VIT: variants seen among roughly 807,000 people sequenced by gnomAD.
VIT encodes vitrin.
VIT carries 99 observed loss-of-function variants against 78.0 expected under a neutral mutation model. The ratio of observed to expected loss-of-function variants is 1.27; its 90% CI spans 1.08 to 1.50. VIT has a LOEUF of 1.50. VIT is among the 40% of genes most tolerant of loss of function. VIT has a pLI of 0.00. For missense variants in VIT, 1,126 were observed against 875.3 expected (o/e 1.29, Z -3.61); for synonymous variants, 374 against 334.3 (o/e 1.12, Z -1.29).
intron 1 of VIT, among the ~76,000 whole-genome samples, chr2:36,713,826 AC>A (rs1233058724): frequency 6.6e-6 from 1 of 152,218 alleles, no homozygotes; most frequent in Middle Eastern, 3.2e-3. Flanking sequence ...ATGGGGCTGC[AC>A]AGGTGGGTCC....
chr2:36,802,333 G>A (rs536266615), intron 13 of VIT, among the ~76,000 whole-genome samples: 23 of 152,146 alleles, frequency 1.5e-4, no homozygotes, highest in Non-Finnish European at 2.8e-4. Context: ...TCCACCTCTC[G>A]GGGAAAGTGT....
At chr2:36,722,246 G>A (rs1475575183) in intron 2 of VIT, among the ~76,000 whole-genome samples, 22 of 152,132 alleles carry the variant, frequency 1.4e-4, no homozygotes. Context: ...CGTGTGTACT[G>A]ACAGGGAGCA....
intron 3 of VIT, among the ~76,000 whole-genome samples, chr2:36,735,734 C>T (rs1411668962): frequency 6.6e-6 from 1 of 152,238 alleles, no homozygotes; most frequent in Non-Finnish European, 1.5e-5. Context: ...TTTGGCCACT[C>T]CCACCTTCCC....
chr2:36,707,793 G>A (rs2148424958), intron 1 of VIT, among the ~76,000 whole-genome samples: 1 of 149,004 alleles, frequency 6.7e-6, no homozygotes, highest in Non-Finnish European at 1.5e-5. Context: ...ACCATACTGA[G>A]AAAAGGCAAA....
intron 13 of VIT, 70 bp downstream of exon 13, chr2:36,801,474 C>T (rs1369436073): frequency 7.4e-7 from 1 of 1,344,002 alleles, no homozygotes; most frequent in East Asian, 2.3e-5. Flanking sequence ...TGTCTTCTAA[C>T]CATTCTATAT....
At chr2:36,762,310 T>G (rs1383816855) in intron 6 of VIT, among the ~76,000 whole-genome samples, 1 of 152,312 alleles carries the variant, frequency 6.6e-6, no homozygotes, top group Middle Eastern at 3.4e-3. Flanking sequence ...TTTAAACTTT[T>G]GATGACAGTA....
intron 6 of VIT, among the ~76,000 whole-genome samples, chr2:36,761,843 G>A (rs187590089): frequency 1.1e-4 from 16 of 152,264 alleles, no homozygotes; most frequent in Admixed American, 4.6e-4. Context: ...GACTGTAGTC[G>A]TCTGTCCAGT....
chr2:36,757,095 G>A (rs1449817481), intron 5 of VIT, among the ~76,000 whole-genome samples: 2 of 152,218 alleles, frequency 1.3e-5, no homozygotes, highest in African/African-American at 4.8e-5. Context: ...TGAGTTAGGA[G>A]CTCACTGCAG....
chr2:36,744,041 T>C (rs1022229015), intron 4 of VIT, among the ~76,000 whole-genome samples: 1 of 152,194 alleles, frequency 6.6e-6, no homozygotes, highest in African/African-American at 2.4e-5. Context: ...CTCCCACTTA[T>C]AAGTGAGAAC....
chr2:36,761,028 A>G (rs1669085655), intron 6 of VIT, among the ~76,000 whole-genome samples: 1 of 152,124 alleles, frequency 6.6e-6, no homozygotes, highest in Non-Finnish European at 1.5e-5. Context: ...TTCAGGGACC[A>G]CATGTCAAGC....
intron 3 of VIT, among the ~76,000 whole-genome samples, chr2:36,730,031 T>C (rs112044629): frequency 0.19 from 28,158 of 152,162 alleles, 2,766 homozygotes; most frequent in East Asian, 0.32. Context: ...GACGGTGGCT[T>C]ATGCCTGTAA....
In VIT at chr2:36,773,181, G is replaced by A. The variant is rs186240896; in HGVS notation, c.680-610G>A. ...GATTACTTCAACCTCCCCATGAGTG[G>A]CACAGTTGAGAATTATTGTAAGAAT... is the stretch of plus-strand genomic sequence containing the variant. On this transcript the variant is annotated intron_variant, in intron 7 of 15. Transcript: ENST00000379242. 1.4e-4 allele frequency among the ~76,000 whole-genome samples: 21 copies of A among 152,278 alleles called. No individual in the cohort carries two copies. In the South Asian group the frequency reaches 3.3e-3, roughly 24 times the overall value.
chr2:36,732,582 C>T (rs1045408548), intron 3 of VIT, among the ~76,000 whole-genome samples: 5 of 151,896 alleles, frequency 3.3e-5, no homozygotes, highest in African/African-American at 1.2e-4. Flanking sequence ...GGGGAGGTGA[C>T]TGATGGCAAG....
intron 4 of VIT, among the ~76,000 whole-genome samples, chr2:36,748,512 G>A (rs541955285): frequency 3.3e-5 from 5 of 152,274 alleles, no homozygotes; most frequent in African/African-American, 1.2e-4. Context: ...TCTTTCCTCA[G>A]CTTGATCTAC....
At chr2:36,761,727 G>C (rs972715110) in intron 6 of VIT, among the ~76,000 whole-genome samples, 1 of 151,800 alleles carries the variant, frequency 6.6e-6, no homozygotes, top group African/African-American at 2.4e-5. Flanking sequence ...GTGACAGAAC[G>C]AGACTCCATC....
At chr2:36,747,749 C>A (rs538414911) in intron 4 of VIT, among the ~76,000 whole-genome samples, 42 of 152,280 alleles carry the variant, frequency 2.8e-4, no homozygotes, top group Admixed American at 5.9e-4. Context: ...AGACCATTTA[C>A]ATTCAAGGTT....
intron 2 of VIT, 81 bp from the exon 3 acceptor site, chr2:36,729,345 A>T (rs761308811): frequency 8.0e-7 from 1 of 1,255,528 alleles, no homozygotes; most frequent in Non-Finnish European, 1.1e-6. Context: ...TTTGTGGATG[A>T]TCGAAGCAAG....
At chr2:36,778,944 T>C (rs1670232173) in intron 9 of VIT, among the ~76,000 whole-genome samples, 1 of 152,148 alleles carries the variant, frequency 6.6e-6, no homozygotes, top group Non-Finnish European at 1.5e-5. Context: ...CGGGCTTCTG[T>C]CTTATAAAAT....
chr2:36,745,917 T>C (rs1468533977), intron 4 of VIT, among the ~76,000 whole-genome samples: 2 of 152,186 alleles, frequency 1.3e-5, no homozygotes, highest in Non-Finnish European at 2.9e-5. Context: ...CTTTTGCCCA[T>C]TCAGTACGAT....
Sources: allele counts gnomAD v4.1 joint callset (sites outside exome capture counted in the v4.1 genomes callset), GRCh38; gene constraint gnomAD v4.1.1; transcripts MANE v1.5; gene names NCBI Gene and HGNC (gene_info 2026-07-23, HGNC 2026-07-21).